VPS54: variants seen among roughly 807,000 people sequenced by gnomAD.
VPS54 encodes the protein vacuolar protein sorting-associated protein 54.
In VPS54, 45 loss-of-function variants were observed where a neutral mutation model predicts 121.5. The ratio of observed to expected loss-of-function variants is 0.37; its 90% CI spans 0.29 to 0.47. The LOEUF (loss-of-function observed/expected upper bound fraction) is 0.47, where lower values mean the gene tolerates loss of function less well. Ranked by LOEUF, VPS54 falls within the 20% of genes least tolerant of loss-of-function variation. VPS54 has a pLI of 0.99. For missense variants in VPS54, 1,090 were observed against 1,131.4 expected (o/e 0.96, Z 0.52); for synonymous variants, 371 against 385.8 (o/e 0.96, Z 0.45).
At chr2:64,001,828 G>A (rs1211399001) in intron 1 of VPS54, among the ~76,000 whole-genome samples, 1 of 152,004 alleles carries the variant, frequency 6.6e-6, no homozygotes, top group Non-Finnish European at 1.5e-5. Flanking sequence ...GCCTGGGCTT[G>A]GAGAAGGGGT....
intron 1 of VPS54, among the ~76,000 whole-genome samples, chr2:63,984,826 A>G (rs1352349558): frequency 6.6e-6 from 1 of 152,234 alleles, no homozygotes; most frequent in East Asian, 1.9e-4. Flanking sequence ...TTATAAATGA[A>G]GCAATATTGA....
chr2:63,998,111 T>C (rs1027503426), intron 1 of VPS54, among the ~76,000 whole-genome samples: 2 of 152,240 alleles, frequency 1.3e-5, no homozygotes, highest in African/African-American at 4.8e-5. Context: ...ATTTGCTTTA[T>C]ATATGAGTGC....
rs1431638190 is a variant in VPS54, at chr2:63,933,895, G to A, written c.1517C>T (p.Thr506Ile). 6.2e-7 allele frequency: 1 copy of A among 1,613,762 alleles called. No homozygotes were observed. The highest frequency in any genetic ancestry group is 1.7e-4 in the Middle Eastern group (1 of 6,058). The change falls in exon 12 of 23, where the codon ACA becomes ATA. Residue 506 changes from threonine to isoleucine, a missense_variant. Thr to Ile is a moderately conservative substitution (Grantham distance 89). This residue lies in a region of VPS54 where 801 missense variants were observed against 757.0 expected (regional missense o/e 1.06). Coordinates refer to ENST00000272322, the MANE Select transcript of VPS54 (RefSeq NM_016516.3). ...KNAAKDNSLD[T>I]EVAYLIHEGM... ...TTCATGGATTAAATAAGCCACCTCT[G>A]TGTCCAGTGAATTATCTTTTGCAGC...
chr2:63,913,451 CTATT>C (rs904504926), intron 17 of VPS54, 141 bp from the exon 18 acceptor site: 10 of 469,192 alleles, frequency 2.1e-5, no homozygotes, highest in Non-Finnish European at 3.4e-5. Flanking sequence ...CAATTAGTAT[CTATT>C]TATTTAATGA....
chr2:64,015,692 G>A (rs1031849187), intron 1 of VPS54, among the ~76,000 whole-genome samples: 3 of 152,102 alleles, frequency 2.0e-5, no homozygotes, highest in Non-Finnish European at 2.9e-5. Flanking sequence ...TTAGATGTTA[G>A]GGCACTGGAT....
intron 20 of VPS54, among the ~76,000 whole-genome samples, chr2:63,901,702 G>A (rs1672685795): frequency 1.3e-5 from 2 of 152,150 alleles, no homozygotes; most frequent in Admixed American, 1.3e-4. Context: ...GGGTCACGGT[G>A]TGAAGCCAGG....
At chr2:63,921,456 G>C (rs1446421474) in intron 12 of VPS54, 121 bp from the exon 13 acceptor site, 1 of 1,023,688 alleles carries the variant, frequency 9.8e-7, no homozygotes, top group South Asian at 1.8e-5. Flanking sequence ...AAAATTCTAT[G>C]ATGTACCAAA....
At chr2:63,990,296 C>T (rs930702182) in intron 1 of VPS54, among the ~76,000 whole-genome samples, 4 of 152,098 alleles carry the variant, frequency 2.6e-5, no homozygotes, top group South Asian at 2.1e-4. Flanking sequence ...TTTCTTTTCA[C>T]GAAGAGCCAG....
chr2:63,909,726 T>TTTTTGTTTTTTTTG (rs1558983935), intron 20 of VPS54, among the ~76,000 whole-genome samples: 6 of 101,472 alleles, frequency 5.9e-5, no homozygotes, highest in Non-Finnish European at 1.3e-4. Context: ...CCGTTTTTGG[T>TTTTTGTTTTTTTTG]TTTTTTTTTT....
intron 20 of VPS54, among the ~76,000 whole-genome samples, chr2:63,901,164 TAGAA>T (rs561321209): frequency 4.7e-4 from 71 of 152,348 alleles, no homozygotes; most frequent in African/African-American, 1.7e-3. Flanking sequence ...ATTTAAAATT[TAGAA>T]AGCTGCAATA....
intron 1 of VPS54, among the ~76,000 whole-genome samples, chr2:63,987,159 A>G (rs1677091154): frequency 6.6e-6 from 1 of 152,188 alleles, no homozygotes; most frequent in African/African-American, 2.4e-5. Flanking sequence ...AATGACCTGG[A>G]CATTTTCCCC....
intron 7 of VPS54, among the ~76,000 whole-genome samples, chr2:63,949,871 T>C (rs1032689726): frequency 3.9e-5 from 6 of 152,198 alleles, no homozygotes; most frequent in Admixed American, 6.5e-5. Flanking sequence ...TCAGTGCCCA[T>C]AGAAGAGTCC....
At chr2:63,969,239 C>A (rs1676154613) in intron 4 of VPS54, among the ~76,000 whole-genome samples, 1 of 152,132 alleles carries the variant, frequency 6.6e-6, no homozygotes, top group Admixed American at 6.5e-5. Context: ...CATCTCAAAT[C>A]TTTTTAATCA....
In VPS54 at chr2:63,914,277, G is replaced by C; in HGVS notation, c.2239C>G (p.Leu747Val). ...TATTCAAGGATAATTCTTATTAACA[G>C]CAATACGGTTCTACAAGAAAAGAAA... Reference protein sequence around the residue: ...QQYAVVGTVLLLIRIILEYCQ... With the variant: ...QQYAVVGTVLVLIRIILEYCQ... The change falls in exon 17 of 23, where the codon CTG (leucine) becomes GTG (valine). Residue 747 changes from leucine (L) to valine (V), a missense_variant. Physicochemically the swap from Leu to Val is conservative, Grantham distance 32 (BLOSUM62 1). This residue lies in a region of VPS54 where 289 missense variants were observed against 374.4 expected (regional missense o/e 0.77). Coordinates refer to ENST00000272322, the MANE Select transcript of VPS54 (RefSeq NM_016516.3). 6.2e-7 allele frequency: 1 copy of C among 1,607,968 alleles called. No individual in the cohort carries two copies. Among genetic ancestry groups the C allele is most frequent in the Non-Finnish European group, 8.5e-7 (1 of 1,176,934 alleles).
intron 1 of VPS54, among the ~76,000 whole-genome samples, chr2:63,985,868 G>C (rs1677028378): frequency 6.6e-6 from 1 of 152,112 alleles, no homozygotes. Flanking sequence ...TAAGTGTATG[G>C]TTGTTTCTGT....
intron 1 of VPS54, among the ~76,000 whole-genome samples, chr2:63,990,766 C>T (rs1677280971): frequency 6.6e-6 from 1 of 152,210 alleles, no homozygotes; most frequent in South Asian, 2.1e-4. Flanking sequence ...CGTGGGCTTA[C>T]CCAGTCACAC....
chr2:63,909,652 T>C (rs2104425395), intron 20 of VPS54, among the ~76,000 whole-genome samples: 2 of 149,864 alleles, frequency 1.3e-5, no homozygotes, highest in East Asian at 2.0e-4. Context: ...ACTCCTGACC[T>C]CACGATCCAC....
At chr2:64,018,665 G>A (rs1032510478) in intron 1 of VPS54, among the ~76,000 whole-genome samples, 3 of 151,558 alleles carry the variant, frequency 2.0e-5, no homozygotes, top group Non-Finnish European at 4.4e-5. Context: ...AGATAAGAGA[G>A]GGGCAAGAGC....
intron 1 of VPS54, among the ~76,000 whole-genome samples, chr2:64,004,229 T>C (rs758075211): frequency 6.6e-6 from 1 of 152,044 alleles, no homozygotes; most frequent in Non-Finnish European, 1.5e-5. Flanking sequence ...AAATCTCTAC[T>C]GAAGAATGCC....
Sources: allele counts gnomAD v4.1 joint callset (sites outside exome capture counted in the v4.1 genomes callset), GRCh38; gene constraint gnomAD v4.1.1; regional missense constraint gnomAD v4.1.1; transcripts MANE v1.5; gene names NCBI Gene and HGNC (gene_info 2026-07-23, HGNC 2026-07-21).